DLGAP1: variants seen among roughly 807,000 people sequenced by gnomAD.
DLGAP1 encodes disks large-associated protein 1.
DLGAP1 carries 11 observed loss-of-function variants against 90.8 expected under a neutral mutation model. The observed-to-expected ratio is 0.12, with a 90% CI of 0.08 to 0.20. The LOEUF (loss-of-function observed/expected upper bound fraction) is 0.20. DLGAP1 is among the 10% of genes least tolerant of loss of function. DLGAP1 has a pLI of 1.00. For missense variants in DLGAP1, 1,050 were observed against 1,333.8 expected, an observed-to-expected ratio of 0.79 and a Z score of 3.31; for synonymous variants, 558 against 540.7, an observed-to-expected ratio of 1.03 and a Z score of -0.44.
intron 4 of DLGAP1, among the ~76,000 whole-genome samples, chr18:3,817,834 G>C (rs1307001076): frequency 6.6e-6 from 1 of 152,194 alleles, no homozygotes; most frequent in Non-Finnish European, 1.5e-5. Flanking sequence ...GCTGCACAGA[G>C]AGAAAAGATT....
chr18:3,547,419 AC>A (rs1342694970), intron 9 of DLGAP1, among the ~76,000 whole-genome samples: 1 of 151,732 alleles, frequency 6.6e-6, no homozygotes, highest in Non-Finnish European at 1.5e-5. Flanking sequence ...AAAAAGACAA[AC>A]AACCCAATTA....
intron 7 of DLGAP1, among the ~76,000 whole-genome samples, chr18:3,676,871 T>A (rs1353928284): frequency 1.3e-5 from 2 of 152,154 alleles, no homozygotes; most frequent in East Asian, 1.9e-4. Context: ...ATCACCAGAT[T>A]TCTCTCCCTG....
At chr18:4,335,517 G>A (rs188899143) in intron 1 of DLGAP1, among the ~76,000 whole-genome samples, 13 of 150,876 alleles carry the variant, frequency 8.6e-5, no homozygotes, top group African/African-American at 3.0e-4. Flanking sequence ...TAGGTTGACC[G>A]GTCATTGAAA....
intron 11 of DLGAP1, among the ~76,000 whole-genome samples, chr18:3,505,442 G>A (rs2050160647): frequency 6.6e-6 from 1 of 151,858 alleles, no homozygotes; most frequent in African/African-American, 2.4e-5. Context: ...TTCGAGACCA[G>A]CCTGGCCAAT....
intron 1 of DLGAP1, among the ~76,000 whole-genome samples, chr18:4,438,096 C>T (rs1385964553): frequency 2.0e-5 from 3 of 152,130 alleles, no homozygotes; most frequent in African/African-American, 7.2e-5. Context: ...ACCTTAGCGC[C>T]TCCACAGAGC....
intron 2 of DLGAP1, among the ~76,000 whole-genome samples, chr18:4,031,981 A>G (rs796440810): frequency 7.2e-5 from 11 of 152,352 alleles, no homozygotes; most frequent in African/African-American, 2.6e-4. Flanking sequence ...TAAACAAGGT[A>G]GCATTATGAG....
chr18:4,444,168 G>C (rs978842501), intron 1 of DLGAP1, among the ~76,000 whole-genome samples: 1 of 152,188 alleles, frequency 6.6e-6, no homozygotes, highest in Admixed American at 6.5e-5. Context: ...GTGACCACGA[G>C]GGAGACGCTC....
At chr18:3,817,643 C>T (rs1220741351) in intron 4 of DLGAP1, among the ~76,000 whole-genome samples, 1 of 152,040 alleles carries the variant, frequency 6.6e-6, no homozygotes, top group African/African-American at 2.4e-5. Context: ...TTTCTTAAAC[C>T]CTAAAGCAAA....
intron 1 of DLGAP1, among the ~76,000 whole-genome samples, chr18:4,389,032 C>T (rs1353916791): frequency 3.3e-5 from 5 of 152,098 alleles, no homozygotes; most frequent in South Asian, 2.1e-4. Context: ...ACATTGAAAG[C>T]AATGTCTTGA....
chr18:4,427,718 T>G (rs2083188301), intron 1 of DLGAP1, among the ~76,000 whole-genome samples: 1 of 152,176 alleles, frequency 6.6e-6, no homozygotes, highest in African/African-American at 2.4e-5. Flanking sequence ...TTTGAGATAC[T>G]CTGGGATGGC....
intron 2 of DLGAP1, among the ~76,000 whole-genome samples, chr18:4,133,325 T>A (rs1318349909): frequency 6.6e-6 from 1 of 152,180 alleles, no homozygotes; most frequent in Non-Finnish European, 1.5e-5. Flanking sequence ...AAGGGTTGCC[T>A]CAGATTCAAG....
At chr18:3,869,585 G>T (rs180702822) in intron 4 of DLGAP1, among the ~76,000 whole-genome samples, 1 of 152,186 alleles carries the variant, frequency 6.6e-6, no homozygotes, top group Non-Finnish European at 1.5e-5. Context: ...AAGATTGACT[G>T]TGATACTCTC....
At chr18:3,521,354 C>A (rs1313766868) in intron 10 of DLGAP1, among the ~76,000 whole-genome samples, 6 of 152,164 alleles carry the variant, frequency 3.9e-5, no homozygotes, top group Non-Finnish European at 8.8e-5. Flanking sequence ...GGTTCCCCTG[C>A]TCCATATGAT....
chr18:3,996,418 A>G (rs1285616151), intron 3 of DLGAP1, among the ~76,000 whole-genome samples: 1 of 152,102 alleles, frequency 6.6e-6, no homozygotes, highest in African/African-American at 2.4e-5. Context: ...TATGCTTGTA[A>G]CAACTTAGGT....
chr18:3,932,080 A>G (rs2072529468), intron 3 of DLGAP1, among the ~76,000 whole-genome samples: 2 of 152,042 alleles, frequency 1.3e-5, no homozygotes, highest in African/African-American at 4.8e-5. Context: ...TCAGAAGTAG[A>G]AAGGTTGCGT....
At chr18:4,258,486 C>T (rs1472190047) in intron 1 of DLGAP1, among the ~76,000 whole-genome samples, 1 of 151,846 alleles carries the variant, frequency 6.6e-6, no homozygotes, top group Admixed American at 6.6e-5. Flanking sequence ...GCCAGTAAGA[C>T]TTATCAAGCA....
intron 9 of DLGAP1, among the ~76,000 whole-genome samples, chr18:3,547,414 G>C (rs1293873628): frequency 7.1e-6 from 1 of 141,542 alleles, no homozygotes; most frequent in African/African-American, 2.7e-5. Flanking sequence ...ACAACAAAAA[G>C]ACAAACAACC....
chr18:4,285,942 T>C (rs7231328), intron 1 of DLGAP1, among the ~76,000 whole-genome samples: 16,858 of 152,244 alleles, frequency 0.11, 1,915 homozygotes, highest in African/African-American at 0.29. Context: ...TTTGCTTTAA[T>C]AACCTCCTGA....
At chr18:4,324,140 A>G (rs1332207917) in intron 1 of DLGAP1, among the ~76,000 whole-genome samples, 2 of 152,022 alleles carry the variant, frequency 1.3e-5, no homozygotes, top group African/African-American at 2.4e-5. Context: ...AAAGAAAAAA[A>G]AGATAAGATC....
Sources: gnomAD v4.1 joint callset for allele counts (sites outside exome capture counted in the v4.1 genomes callset) on GRCh38, gnomAD v4.1.1 for gene constraint, MANE v1.5 for transcripts, NCBI Gene and HGNC (gene_info 2026-07-23, HGNC 2026-07-21) for gene names.